DLG2: variants seen among roughly 807,000 people sequenced by gnomAD.
DLG2 encodes the protein disks large homolog 2.
DLG2 carries 45 observed loss-of-function variants against 132.5 expected under a neutral mutation model. The ratio of observed to expected loss-of-function variants is 0.34; its 90% CI spans 0.27 to 0.44. The LOEUF (loss-of-function observed/expected upper bound fraction) is 0.44. Ranked by LOEUF, DLG2 falls within the 20% of genes least tolerant of loss-of-function variation. The probability of loss-of-function intolerance (pLI) is 1.00; values close to 1 mark genes in which losing one functional copy is unlikely to be tolerated. For missense variants in DLG2, 1,045 were observed against 1,196.9 expected, an observed-to-expected ratio of 0.87 and a Z score of 1.87; for synonymous variants, 424 against 419.6, an observed-to-expected ratio of 1.01 and a Z score of -0.13.
chr11:84,368,354 TA>T (rs2154427295), intron 7 of DLG2, among the ~76,000 whole-genome samples: 1 of 152,296 alleles, frequency 6.6e-6, no homozygotes, highest in African/African-American at 2.4e-5. Context: ...AAATTACTAA[TA>T]AAAACAATGT....
intron 3 of DLG2, among the ~76,000 whole-genome samples, chr11:85,443,028 T>C (rs1415855179): frequency 6.6e-6 from 1 of 152,060 alleles, no homozygotes; most frequent in Non-Finnish European, 1.5e-5. Context: ...GGGGGAAATA[T>C]AACAAACTAA....
In DLG2 at chr11:84,856,587, G is replaced by T. The variant is rs531934048; in HGVS notation, c.357+255074C>A. On this transcript the variant is annotated intron_variant, in intron 6 of 27. Coordinates refer to ENST00000376104, the MANE Select transcript of DLG2 (RefSeq NM_001142699.3). ...TTTATCACTATTTATACTAGTCTAA[G>T]CTATTATCCTTCTTTATCTAAACTC... Among the ~76,000 whole-genome samples, 29 of 152,098 alleles carry T rather than the reference G, an allele frequency of 1.9e-4. 1 individual carries two copies. The highest frequency in any genetic ancestry group is 6.5e-4 in the African/African-American group (27 of 41,502).
chr11:84,680,324 G>A (rs1170515974), intron 6 of DLG2, among the ~76,000 whole-genome samples: 1 of 152,062 alleles, frequency 6.6e-6, no homozygotes, highest in Non-Finnish European at 1.5e-5. Flanking sequence ...TACAAAAAGA[G>A]TATGACAATT....
intron 6 of DLG2, among the ~76,000 whole-genome samples, chr11:84,990,721 T>G (rs2057004007): frequency 7.7e-6 from 1 of 129,458 alleles, no homozygotes; most frequent in Admixed American, 7.7e-5. Context: ...CTGGAAAGAA[T>G]GCAGAGAAAC....
intron 16 of DLG2, among the ~76,000 whole-genome samples, chr11:83,839,833 G>A (rs2057153001): frequency 1.3e-5 from 2 of 152,130 alleles, no homozygotes; most frequent in African/African-American, 4.8e-5. Context: ...CGCATTCCAT[G>A]CTGCCTTGCA....
chr11:85,531,502 AT>A (rs1259802719), intron 3 of DLG2, among the ~76,000 whole-genome samples: 1 of 152,252 alleles, frequency 6.6e-6, no homozygotes, highest in Non-Finnish European at 1.5e-5. Flanking sequence ...AGAGCCTCTC[AT>A]CCAAGACGTC....
intron 7 of DLG2, among the ~76,000 whole-genome samples, chr11:84,499,350 G>T (rs2099195327): frequency 6.6e-6 from 1 of 152,092 alleles, no homozygotes; most frequent in South Asian, 2.1e-4. Flanking sequence ...AAACAACATG[G>T]TAGTAACAAT....
intron 8 of DLG2, among the ~76,000 whole-genome samples, chr11:84,234,077 C>A (rs1472060424): frequency 1.3e-5 from 2 of 152,174 alleles, no homozygotes; most frequent in African/African-American, 2.4e-5. Flanking sequence ...GGGAAGAATG[C>A]CTCACATGCA....
At position 84,214,444 on chromosome 11, in the gene DLG2, T is replaced by C. The variant is rs116925302; in HGVS notation, c.573+36794A>G. Among the ~76,000 whole-genome samples, 610 of 151,712 alleles carry C rather than the reference T, an allele frequency of 4.0e-3. 2 individuals carry two copies. The highest frequency in any genetic ancestry group is 5.4e-3 in the Non-Finnish European group (365 of 67,880). ...TATATTCTATACATGTTTATATATG[T>C]ATAAACATATATGTCTGAGTATATC... On this transcript the variant is annotated intron_variant, in intron 8 of 27. Coordinates refer to ENST00000376104, the MANE Select transcript of DLG2 (RefSeq NM_001142699.3).
chr11:84,789,592 G>A (rs2073485752), intron 6 of DLG2, among the ~76,000 whole-genome samples: 1 of 151,992 alleles, frequency 6.6e-6, no homozygotes, highest in South Asian at 2.1e-4. Flanking sequence ...ATTTTTAAAT[G>A]TGCAATTAAA....
chr11:83,640,570 T>G (rs2066208918), intron 18 of DLG2, among the ~76,000 whole-genome samples: 1 of 152,220 alleles, frequency 6.6e-6, no homozygotes, highest in Admixed American at 6.5e-5. Flanking sequence ...TTCTTCAGGG[T>G]TTATTACATG....
intron 9 of DLG2, among the ~76,000 whole-genome samples, chr11:84,144,190 C>T (rs1381971340): frequency 6.6e-6 from 1 of 152,118 alleles, no homozygotes; most frequent in African/African-American, 2.4e-5. Context: ...AAACTGTATT[C>T]ATAGCTTTCT....
At chr11:84,068,283 A>G (rs1350662153) in intron 10 of DLG2, among the ~76,000 whole-genome samples, 1 of 152,244 alleles carries the variant, frequency 6.6e-6, no homozygotes, top group Admixed American at 6.5e-5. Flanking sequence ...AGATACTTCA[A>G]ATGTCCTTCT....
chr11:84,940,316 A>G (rs925592924), intron 6 of DLG2, among the ~76,000 whole-genome samples: 1 of 152,072 alleles, frequency 6.6e-6, no homozygotes, highest in South Asian at 2.1e-4. Context: ...ACACCTGGCT[A>G]ATCTTTTTGT....
intron 18 of DLG2, among the ~76,000 whole-genome samples, chr11:83,777,015 T>C (rs958839633): frequency 6.6e-6 from 1 of 152,176 alleles, no homozygotes. Flanking sequence ...TGGCTGACTG[T>C]AGGTCCATTA....
At chr11:84,681,881 T>C (rs2099731031) in intron 6 of DLG2, among the ~76,000 whole-genome samples, 1 of 151,982 alleles carries the variant, frequency 6.6e-6, no homozygotes, top group Non-Finnish European at 1.5e-5. Context: ...CTGACTTTGA[T>C]GCAGAACATT....
chr11:84,769,098 C>G (rs2068859829), intron 6 of DLG2, among the ~76,000 whole-genome samples: 1 of 152,148 alleles, frequency 6.6e-6, no homozygotes, highest in African/African-American at 2.4e-5. Flanking sequence ...TGTAGTGACA[C>G]CACCAAACGC....
intron 6 of DLG2, among the ~76,000 whole-genome samples, chr11:84,576,306 C>A (rs777003213): frequency 2.6e-5 from 4 of 152,194 alleles, no homozygotes; most frequent in Non-Finnish European, 5.9e-5. Context: ...TTCTACCTAT[C>A]TGTATCTATT....
chr11:85,157,283 A>G (rs2077657324), intron 4 of DLG2, among the ~76,000 whole-genome samples: 1 of 152,038 alleles, frequency 6.6e-6, no homozygotes, highest in African/African-American at 2.4e-5. Flanking sequence ...ATATATATAT[A>G]TGTGATTCTA....
Sources: allele counts gnomAD v4.1 joint callset (sites outside exome capture counted in the v4.1 genomes callset), GRCh38; gene constraint gnomAD v4.1.1; transcripts MANE v1.5; gene names NCBI Gene and HGNC (gene_info 2026-07-23, HGNC 2026-07-21).